The following LRRC9 variants were observed in gnomAD, a reference collection of about 807,000 sequenced individuals.
The protein encoded by LRRC9 is leucine rich repeat containing 9.
LRRC9 carries 122 observed loss-of-function variants against 63.2 expected under a neutral mutation model. That is an observed-to-expected ratio of 1.93 (90% CI 1.67 to 2.24). LRRC9 has a LOEUF of 2.24. Among genes scored for constraint, LRRC9 ranks in the 30% most tolerant of loss-of-function variants. LRRC9 has a pLI of 0.00. For synonymous variants in LRRC9, 366 were observed against 213.1 expected, an observed-to-expected ratio of 1.72 and a Z score of -6.25; for missense variants, 1,071 against 627.7, an observed-to-expected ratio of 1.71 and a Z score of -7.55.
exon 15 of LRRC9, chr14:59,978,079 G>A (rs907997074): frequency 1.4e-6 from 1 of 702,160 alleles, no homozygotes; most frequent in Non-Finnish European, 2.6e-6. Context: ...GTTTGTCTTT[G>A]ATCATGACCT....
chr14:60,064,285 CCAAT>C (rs1311502210), downstream of LRRC9, among the ~76,000 whole-genome samples: 1 of 152,074 alleles, frequency 6.6e-6, no homozygotes, highest in African/African-American at 2.4e-5. Context: ...AACCAAATTG[CCAAT>C]CATATTTTGA....
At chr14:60,014,467 T>C (rs1890515621) in intron 23 of LRRC9, among the ~76,000 whole-genome samples, 1 of 152,060 alleles carries the variant, frequency 6.6e-6, no homozygotes, top group South Asian at 2.1e-4. Flanking sequence ...TTAGTTTTCC[T>C]TCCTATGAGA....
rs1290248604 is a variant in LRRC9 at position 60,053,379 on chromosome 14, G to A, written c.4131+174G>A. Among the ~76,000 whole-genome samples the A allele has an allele frequency of 2.8e-5, 3 of 106,200 alleles. No individual in the cohort carries two copies. Among genetic ancestry groups the A allele is most frequent in the East Asian group, 2.9e-4 (1 of 3,456 alleles). The allele number at this position is 106,200 out of a possible 152,430, so 69.7% of individuals were successfully genotyped here. A position where few individuals can be genotyped will look rare whatever the true frequency, so the allele number is the denominator to read the frequency against. On this transcript the variant is annotated intron_variant, in intron 30 of 31. Transcript: ENST00000445360. The surrounding 1 kb of genome is among the most constrained non-coding windows in gnomAD (Gnocchi z 4.8). Reference sequence around the variant, plus strand: ...GCTGGATTTGGTGAATAGAGCATGCGTGCTCACACACACACACACACACAC... The same window carrying A: ...GCTGGATTTGGTGAATAGAGCATGCATGCTCACACACACACACACACACAC...
chr14:59,974,542 A>G (rs1394545776), intron 12 of LRRC9, 34 bp from the exon 13 acceptor site: 1 of 581,108 alleles, frequency 1.7e-6, no homozygotes, highest in Non-Finnish European at 3.1e-6. Flanking sequence ...TGTCAATTTT[A>G]TAAAAATACT....
chr14:59,982,403 G>T (rs1341206985), intron 16 of LRRC9, among the ~76,000 whole-genome samples: 1 of 152,172 alleles, frequency 6.6e-6, no homozygotes, highest in East Asian at 1.9e-4. Flanking sequence ...TTTATGAAGA[G>T]AATACGTTTA....
intron 29 of LRRC9, among the ~76,000 whole-genome samples, chr14:60,037,903 TA>T: frequency 6.6e-6 from 1 of 152,326 alleles, no homozygotes; most frequent in East Asian, 1.9e-4. Context: ...GTTTTAGGTC[TA>T]AATTTAAGTC....
rs1458312755 is a variant in LRRC9 at position 59,927,272 on chromosome 14, T to C, written c.-33-639T>C. 1.3e-5 allele frequency among the ~76,000 whole-genome samples: 2 copies of C among 152,068 alleles called. No individual in the cohort carries two copies. The highest frequency in any genetic ancestry group is 2.9e-5 in the Non-Finnish European group (2 of 67,938). ...TTATATTAAAGGCAGGATTCTTATATTTTTTAGATAGTATGTATCTGGAAT... is the reference window on the plus strand; with the variant it reads ...TTATATTAAAGGCAGGATTCTTATACTTTTTAGATAGTATGTATCTGGAAT... On this transcript the variant is annotated intron_variant, in intron 1 of 31. Transcript: ENST00000445360. The surrounding 1 kb of genome is among the most constrained non-coding windows in gnomAD (Gnocchi z 4.4).
chr14:60,018,895 A>C (rs1595039808), intron 25 of LRRC9, among the ~76,000 whole-genome samples: 1 of 152,062 alleles, frequency 6.6e-6, no homozygotes, highest in Non-Finnish European at 1.5e-5. Flanking sequence ...AGGAGAACAG[A>C]TTGAGAAAGT....
chr14:59,931,220 T>C (rs1555367934), intron 4 of LRRC9, among the ~76,000 whole-genome samples, 162 bp downstream of exon 4: 1 of 152,106 alleles, frequency 6.6e-6, no homozygotes, highest in Non-Finnish European at 1.5e-5. Context: ...TTTTATAAGG[T>C]ACAGAGGGCA....
Position 60,060,468 on chromosome 14 carries a change from C to T in LRRC9, c.4276+2446C>T, listed in dbSNP as rs767492386. Among the ~76,000 whole-genome samples the T allele has an allele frequency of 1.2e-4, 18 of 152,198 alleles. 1 individual carries two copies. In the Middle Eastern group the frequency reaches 0.02, roughly 173 times the overall value. ...ATAGACAGTGATTCCTAACCGGGCG[C>T]GATGGCTCACGCTTGTAATCCCAGC... On this transcript the variant is annotated intron_variant, in intron 31 of 31. Transcript: ENST00000445360. The surrounding 1 kb of genome is among the most constrained non-coding windows in gnomAD (Gnocchi z 4.0).
intron 1 of LRRC9, 138 bp downstream of exon 1, chr14:59,920,411 A>G (rs913222118): frequency 2.0e-5 from 3 of 152,346 alleles, no homozygotes; most frequent in African/African-American, 7.2e-5. Flanking sequence ...TAATGGTGCA[A>G]TGGTGATGAT....
At chr14:60,043,750 C>CCTT (rs1893156677) in intron 29 of LRRC9, among the ~76,000 whole-genome samples, 1 of 66,144 alleles carries the variant, frequency 1.5e-5, no homozygotes, top group African/African-American at 6.4e-5. Flanking sequence ...CTGTAGTTTT[C>CCTT]TTTTCCTTTT....
chr14:60,006,579 A>G (rs1344328825), exon 22 of LRRC9: 2 of 699,870 alleles, frequency 2.9e-6, no homozygotes, highest in Admixed American at 4.0e-5. Flanking sequence ...CATAAGCAAT[A>G]ACTATATTGC....
At chr14:60,014,410 A>G (rs1890510301) in intron 23 of LRRC9, among the ~76,000 whole-genome samples, 1 of 151,474 alleles carries the variant, frequency 6.6e-6, no homozygotes, top group Non-Finnish European at 1.5e-5. Context: ...CATTTCAAAA[A>G]CTTTCTTTAG....
intron 29 of LRRC9, among the ~76,000 whole-genome samples, chr14:60,033,988 T>G (rs1892204569): frequency 6.6e-6 from 1 of 151,032 alleles, no homozygotes; most frequent in African/African-American, 2.4e-5. Flanking sequence ...ATCTAGAAAA[T>G]TGGCCTTTTT....
chr14:59,935,456 T>G, intron 6 of LRRC9, among the ~76,000 whole-genome samples: 1 of 152,156 alleles, frequency 6.6e-6, no homozygotes, highest in South Asian at 2.1e-4. Context: ...CTAGAAAGCA[T>G]TTAGATAATG....
At chr14:60,028,912 A>G (rs1324924436) in intron 28 of LRRC9, among the ~76,000 whole-genome samples, 2 of 152,128 alleles carry the variant, frequency 1.3e-5, no homozygotes, top group Non-Finnish European at 2.9e-5. Context: ...TCTGTTTGCT[A>G]TAGAGTTCAG....
intron 1 of LRRC9, among the ~76,000 whole-genome samples, chr14:59,921,910 C>G (rs905030931): frequency 1.3e-5 from 2 of 151,308 alleles, no homozygotes; most frequent in Admixed American, 1.3e-4. Context: ...ATGGTGAAAC[C>G]CTGTCTCTAC....
At chr14:60,021,937 C>A (rs1891147618) in intron 26 of LRRC9, among the ~76,000 whole-genome samples, 1 of 151,780 alleles carries the variant, frequency 6.6e-6, no homozygotes. Flanking sequence ...CAACTTTGTT[C>A]TTTTAAAAGA....
Sources: allele counts gnomAD v4.1 joint callset (sites outside exome capture counted in the v4.1 genomes callset), GRCh38; gene constraint gnomAD v4.1.1; non-coding constraint Gnocchi (gnomAD v3.1); transcripts MANE v1.5; gene names NCBI Gene and HGNC (gene_info 2026-07-23, HGNC 2026-07-21).